Variants in KATNAL1 observed in about 807,000 individuals in gnomAD.
KATNAL1 encodes the protein katanin p60 ATPase-containing subunit A-like 1.
A neutral mutation model predicts 55.2 loss-of-function variants in KATNAL1; 32 were observed. That is an observed-to-expected ratio of 0.58 (90% CI 0.44 to 0.78). The LOEUF is 0.78. Ranked by LOEUF, KATNAL1 falls within the 30% of genes least tolerant of loss-of-function variation. The pLI is 0.00. For synonymous variants in KATNAL1, 193 were observed against 193.6 expected, an observed-to-expected ratio of 1.00 and a Z score of 0.02; for missense variants, 466 against 600.9, an observed-to-expected ratio of 0.78 and a Z score of 2.35.
At chr13:30,307,252 G>A (rs1000144902) in intron 1 of KATNAL1, 79 bp downstream of exon 1, 1 of 152,296 alleles carries the variant, frequency 6.6e-6, no homozygotes, top group African/African-American at 2.4e-5. Flanking sequence ...TCCGGCAGTG[G>A]GAGGCCGAGA....
intron 9 of KATNAL1, among the ~76,000 whole-genome samples, chr13:30,222,868 GA>G (rs1444746299): frequency 2.6e-5 from 4 of 152,096 alleles, no homozygotes; most frequent in Non-Finnish European, 5.9e-5. Flanking sequence ...CAAGGTGGGT[GA>G]ATCACCTGAG....
rs942525404 is a variant in KATNAL1 at position 30,205,094 on chromosome 13, A to G, written c.*3446T>C. 2 of 152,244 alleles carry G rather than the reference A, an allele frequency of 1.3e-5. No individual in the cohort carries two copies. Among genetic ancestry groups the G allele is most frequent in the Admixed American group, 1.3e-4 (2 of 15,290 alleles). 9.4% of individuals were successfully genotyped at this position (152,244 alleles called of 1,614,324 possible). On this transcript the variant is annotated 3_prime_UTR_variant, in exon 11 of 11. Coordinates refer to ENST00000380615, the MANE Select transcript of KATNAL1 (RefSeq NM_032116.5). ...TTGTTCATTAAAATAGATCCATAATAGTTACACATTATTCAAATAAATGTA... is the reference window on the plus strand; with the variant it reads ...TTGTTCATTAAAATAGATCCATAATGGTTACACATTATTCAAATAAATGTA...
intron 9 of KATNAL1, among the ~76,000 whole-genome samples, chr13:30,212,292 T>C (rs1046041660): frequency 6.6e-6 from 1 of 152,204 alleles, no homozygotes; most frequent in Non-Finnish European, 1.5e-5. Flanking sequence ...ATTTGTAACA[T>C]ATATAAGCAA....
intron 4 of KATNAL1, among the ~76,000 whole-genome samples, chr13:30,253,546 TC>T (rs751304066): frequency 1.8e-3 from 272 of 151,674 alleles, no homozygotes; most frequent in Non-Finnish European, 3.4e-3. Flanking sequence ...GTGCCTGTAG[TC>T]CCAGCTACTT....
chr13:30,250,805 T>A (rs1452442548), intron 4 of KATNAL1, among the ~76,000 whole-genome samples: 7 of 152,252 alleles, frequency 4.6e-5, no homozygotes, highest in African/African-American at 1.7e-4. Flanking sequence ...ATGGAAGTAC[T>A]GCTCATTTCA....
chr13:30,255,567 C>A lies in KATNAL1; in HGVS notation c.372G>T (p.Arg124Ser). The A allele has an allele frequency of 6.3e-7, 1 of 1,577,090 alleles. No homozygotes were observed. The highest frequency in any genetic ancestry group is 8.6e-7 in the Non-Finnish European group (1 of 1,161,906). The change falls in exon 4 of 11, where the codon AGG becomes AGT. Residue 124 changes from arginine to serine, a missense_variant. This residue lies in a region of KATNAL1 where 248 missense variants were observed against 275.5 expected (regional missense o/e 0.90). Transcript: ENST00000380615. ...GGGCTCCTACTCCTGCCATTTCTTT[C>A]CTCAGAGGTCTTACTTCTCGATTGG... ...RRPNREVRPL[R>S]KEMAGVGARG...
chr13:30,226,281 C>T (rs978993505), intron 9 of KATNAL1, among the ~76,000 whole-genome samples: 8 of 152,078 alleles, frequency 5.3e-5, no homozygotes, highest in African/African-American at 1.9e-4. Flanking sequence ...TTATATTATC[C>T]AAAAGAATTG....
At chr13:30,284,152 G>A (rs1056452232) in intron 1 of KATNAL1, among the ~76,000 whole-genome samples, 7 of 152,058 alleles carry the variant, frequency 4.6e-5, no homozygotes, top group African/African-American at 1.7e-4. Context: ...GAGCCACTGC[G>A]CCCAGTCTAG....
chr13:30,292,543 G>A (rs1267972833), intron 1 of KATNAL1, among the ~76,000 whole-genome samples: 4 of 152,080 alleles, frequency 2.6e-5, no homozygotes, highest in Non-Finnish European at 5.9e-5. Flanking sequence ...GGGAGATACT[G>A]TATCTTCCAA....
Position 30,208,445 on chromosome 13 carries a change from A to C in KATNAL1, c.*95T>G. The C allele has an allele frequency of 9.4e-7, 1 of 1,060,064 alleles. No homozygotes were observed. The highest frequency in any genetic ancestry group is 1.8e-5 in the South Asian group (1 of 54,232). The allele number at this position is 1,060,064 out of a possible 1,614,324, so 65.7% of individuals were successfully genotyped here. A position where few individuals can be genotyped will look rare whatever the true frequency, so the allele number is the denominator to read the frequency against. ...TTTTCCTTTAAGCGAAAACCACTCC[A>C]CTGAAAAAAATTCCAAACTTGTTTT... On this transcript the variant is annotated 3_prime_UTR_variant, in exon 11 of 11. Transcript: ENST00000380615.
chr13:30,233,423 TAAAA>T (rs1876308402), intron 6 of KATNAL1, among the ~76,000 whole-genome samples: 3 of 152,008 alleles, frequency 2.0e-5, no homozygotes, highest in Non-Finnish European at 4.4e-5. Flanking sequence ...TCGCTCCAAT[TAAAA>T]TGGCTTTCAT....
rs1881596482 is a variant in KATNAL1, at chr13:30,283,894, GA to G, written c.-14-104del. On this transcript the variant is annotated intron_variant, in intron 1 of 10. Coordinates refer to ENST00000380615, the MANE Select transcript of KATNAL1 (RefSeq NM_032116.5). ...TAAAACTACTTTTTTTTTTTTTTTT[GA>G]AACAGAGACTCACTTTATTGCCCAG... 12 of 670,702 alleles carry G rather than the reference GA, an allele frequency of 1.8e-5. No individual in the cohort carries two copies. The East Asian group carries it at 3.8e-4, about 21-fold the overall frequency. 41.5% of individuals were successfully genotyped at this position (670,702 alleles called of 1,614,324 possible). A position where few individuals can be genotyped will look rare whatever the true frequency, so the allele number is the denominator to read the frequency against.
chr13:30,251,445 G>A (rs1167998323), intron 4 of KATNAL1, among the ~76,000 whole-genome samples: 1 of 152,122 alleles, frequency 6.6e-6, no homozygotes, highest in African/African-American at 2.4e-5. Context: ...GGTCAATGAG[G>A]CTTCTGCCCT....
At chr13:30,275,868 G>C (rs1880803332) in intron 3 of KATNAL1, among the ~76,000 whole-genome samples, 1 of 151,578 alleles carries the variant, frequency 6.6e-6, no homozygotes, top group African/African-American at 2.4e-5. Context: ...AATAAAGTTG[G>C]GGGAAAAAAG....
At chr13:30,279,884 G>A (rs995933283) in intron 3 of KATNAL1, among the ~76,000 whole-genome samples, 179 bp downstream of exon 3, 1 of 152,116 alleles carries the variant, frequency 6.6e-6, no homozygotes, top group Non-Finnish European at 1.5e-5. Flanking sequence ...TATGTAACAA[G>A]TCATTTACTT....
In KATNAL1 at chr13:30,283,405, A is replaced by C. The variant is rs981876353; in HGVS notation, c.162+211T>G. Among the ~76,000 whole-genome samples, 9 of 152,192 alleles carry C rather than the reference A, an allele frequency of 5.9e-5. 1 individual carries two copies. In the South Asian group the frequency reaches 1.7e-3, roughly 28 times the overall value. On this transcript the variant is annotated intron_variant, in intron 2 of 10. Transcript: ENST00000380615. ...ATTCAATTGGAATTAAATATTTTCA[A>C]AACATCCCTCACGAAATATATGATC...
Position 30,276,059 on chromosome 13 carries a change from CGTTAATACAA to C in KATNAL1, c.323+3994_323+4003del, listed in dbSNP as rs1256526135. Among the ~76,000 whole-genome samples the C allele has an allele frequency of 2.0e-5, 3 of 152,108 alleles. No homozygotes were observed. In the East Asian group the frequency reaches 5.8e-4, roughly 29 times the overall value. ...CATGTAAACTATTATAAAATCATTT[CGTTAATACAA>C]GAAATATTTTAGGACACCAAGAATG... On this transcript the variant is annotated intron_variant, in intron 3 of 10. Transcript: ENST00000380615.
At chr13:30,302,399 G>T (rs1314433082) in intron 1 of KATNAL1, among the ~76,000 whole-genome samples, 2 of 151,818 alleles carry the variant, frequency 1.3e-5, no homozygotes, top group African/African-American at 2.4e-5. Context: ...CAGGAATTAT[G>T]TGTTAAATAC....
rs916606311 is a variant in KATNAL1, at chr13:30,284,480, A to C, written c.-14-689T>G. 3.3e-5 allele frequency among the ~76,000 whole-genome samples: 5 copies of C among 152,188 alleles called. No individual in the cohort carries two copies. The South Asian group carries it at 1.0e-3, about 32-fold the overall frequency. ...AATATATGAATATATTTTCTACTGA[A>C]GTCAGTTGAAACTATAAAAACTAGT... On this transcript the variant is annotated intron_variant, in intron 1 of 10. Coordinates refer to ENST00000380615, the MANE Select transcript of KATNAL1 (RefSeq NM_032116.5).
Sources: gnomAD v4.1 joint callset for allele counts (sites outside exome capture counted in the v4.1 genomes callset) on GRCh38, gnomAD v4.1.1 for gene constraint, gnomAD v4.1.1 regional missense constraint, MANE v1.5 for transcripts, NCBI Gene and HGNC (gene_info 2026-07-23, HGNC 2026-07-21) for gene names.